ERCC6: variants seen among roughly 807,000 people sequenced by gnomAD.
ERCC6 encodes DNA excision repair protein ERCC-6.
ERCC6 carries 116 observed loss-of-function variants against 158.7 expected under a neutral mutation model. That is an observed-to-expected ratio of 0.73 (90% CI 0.63 to 0.85). The LOEUF is 0.85. Among genes scored for constraint, ERCC6 ranks in the 40% least tolerant of loss-of-function variants. The probability of loss-of-function intolerance (pLI) is 0.00; values close to 1 mark genes in which losing one functional copy is unlikely to be tolerated. For missense variants in ERCC6, 1,698 were observed against 1,799.4 expected (o/e 0.94, Z 1.02); for synonymous variants, 678 against 659.3 (o/e 1.03, Z -0.43).
At chr10:49,535,249 A>G (rs768226710) in intron 1 of ERCC6, among the ~76,000 whole-genome samples, 1 of 152,256 alleles carries the variant, frequency 6.6e-6, no homozygotes, top group Non-Finnish European at 1.5e-5. Context: ...AGCAGCTTAC[A>G]TGTAATCAGT....
At chr10:49,492,811 G>A (rs910022256) in intron 8 of ERCC6, among the ~76,000 whole-genome samples, 2 of 152,182 alleles carry the variant, frequency 1.3e-5, no homozygotes, top group Admixed American at 6.5e-5. Context: ...ACTGGACGCA[G>A]CCACCTGACT....
the ERCC6 span, among the ~76,000 whole-genome samples, chr10:49,441,320 A>G: frequency 0.013 from 1,936 of 152,328 alleles, 38 homozygotes; most frequent in African/African-American, 0.043. Context: ...CCACAACCAT[A>G]TAAGAAGTTA....
At chr10:49,497,589 G>A (rs907342856) in intron 7 of ERCC6, among the ~76,000 whole-genome samples, 3 of 152,142 alleles carry the variant, frequency 2.0e-5, no homozygotes, top group Non-Finnish European at 4.4e-5. Flanking sequence ...TTTTCACGCT[G>A]AGTTGAGATC....
the ERCC6 span, among the ~76,000 whole-genome samples, chr10:49,437,052 G>T: frequency 6.6e-6 from 1 of 152,122 alleles, no homozygotes; most frequent in Non-Finnish European, 1.5e-5. Flanking sequence ...TGAATCATGG[G>T]GGGTGGTTTC....
At chr10:49,466,684 T>C (rs1324759990) in intron 18 of ERCC6, among the ~76,000 whole-genome samples, 1 of 152,252 alleles carries the variant, frequency 6.6e-6, no homozygotes. Context: ...GTGTGTTTTC[T>C]AGAATTTTAT....
At chr10:49,463,245 T>C (rs1475059172) in intron 18 of ERCC6, among the ~76,000 whole-genome samples, 1 of 152,240 alleles carries the variant, frequency 6.6e-6, no homozygotes, top group African/African-American at 2.4e-5. Flanking sequence ...ATAATACGTT[T>C]ATCAATTTTG....
intron 7 of ERCC6, among the ~76,000 whole-genome samples, chr10:49,499,186 A>G (rs1851314969): frequency 6.6e-6 from 1 of 152,198 alleles, no homozygotes; most frequent in East Asian, 1.9e-4. Context: ...CCCCTGCTTC[A>G]ATATAACTTC....
chr10:49,533,448 A>G lies in ERCC6; in HGVS notation c.-14-470T>C, dbSNP rs185654374. ...GAGACTAGAAACTCCTAGGCTGAAT[A>G]CCTATCCAGTAAATAGGAGCTTTGA... On this transcript the variant is annotated intron_variant, in intron 1 of 20. Transcript: ENST00000355832. Among the ~76,000 whole-genome samples, 229 of 152,326 alleles carry G rather than the reference A, an allele frequency of 1.5e-3. 3 individuals carry two copies. The highest frequency in any genetic ancestry group is 0.013 in the Admixed American group (202 of 15,300).
intron 7 of ERCC6, among the ~76,000 whole-genome samples, chr10:49,494,280 C>T (rs1045574432): frequency 5.9e-5 from 9 of 151,888 alleles, no homozygotes; most frequent in African/African-American, 1.9e-4. Context: ...AGGGTTATTA[C>T]GAAGATTAAA....
In ERCC6 at chr10:49,497,112, C is replaced by T. The variant is rs562296066; in HGVS notation, c.1685+3426G>A. ...AGAAGCCAGAGGCTACAAGAGACTCCGACACTCTTCCTACAGAGTTTCTAA... is the reference window on the plus strand; with the variant it reads ...AGAAGCCAGAGGCTACAAGAGACTCTGACACTCTTCCTACAGAGTTTCTAA... On this transcript the variant is annotated intron_variant, in intron 7 of 20. Coordinates refer to ENST00000355832, the MANE Select transcript of ERCC6 (RefSeq NM_000124.4). Among the ~76,000 whole-genome samples, 18 of 152,316 alleles carry T rather than the reference C, an allele frequency of 1.2e-4. No individual in the cohort carries two copies. The East Asian group carries it at 1.9e-3, about 16-fold the overall frequency.
chr10:49,514,050 G>A (rs1045570643), intron 5 of ERCC6, among the ~76,000 whole-genome samples: 8 of 151,950 alleles, frequency 5.3e-5, no homozygotes, highest in South Asian at 2.1e-4. Context: ...CAGTGCCAGC[G>A]AAGGGTCCTC....
chr10:49,441,280 A>G, the ERCC6 span, among the ~76,000 whole-genome samples: 1 of 152,182 alleles, frequency 6.6e-6, no homozygotes, highest in Non-Finnish European at 1.5e-5. Context: ...TTTTACTACT[A>G]TTCTGTAAAA....
the ERCC6 span, among the ~76,000 whole-genome samples, chr10:49,448,834 T>C: frequency 1.3e-5 from 2 of 152,246 alleles, no homozygotes; most frequent in Admixed American, 1.3e-4. Context: ...TGGGGCTGAA[T>C]AATATTCCAT....
At chr10:49,468,010 C>T (rs1282696654) in intron 18 of ERCC6, among the ~76,000 whole-genome samples, 1 of 152,158 alleles carries the variant, frequency 6.6e-6, no homozygotes, top group Non-Finnish European at 1.5e-5. Flanking sequence ...GGCAAGACCC[C>T]CTACTCTGTA....
At chr10:49,460,594 A>G (rs1191503353) in intron 19 of ERCC6, 143 bp from the exon 20 acceptor site, 5 of 692,858 alleles carry the variant, frequency 7.2e-6, no homozygotes, top group Non-Finnish European at 1.0e-5. Context: ...TTTCTGCTCT[A>G]TCCCCCTCGA....
Position 49,538,889 on chromosome 10 carries a change from GC to G in ERCC6, c.-15+72del, listed in dbSNP as rs11302216. On this transcript the variant is annotated intron_variant, in intron 1 of 20. Coordinates refer to ENST00000355832, the MANE Select transcript of ERCC6 (RefSeq NM_000124.4). ...GGCGAGGCCAAGGCGCGGGGCCGCGGCCCGCCCGAGAAGCCTGAGCTGGGCC... is the reference window on the plus strand; with the variant it reads ...GGCGAGGCCAAGGCGCGGGGCCGCGGCCGCCCGAGAAGCCTGAGCTGGGCC... The G allele has an allele frequency of 1, 152,647 of 152,648 alleles. 76,323 individuals are homozygous for G. The highest frequency in any genetic ancestry group is 1 in the Middle Eastern group (296 of 296). 9.5% of individuals were successfully genotyped at this position (152,648 alleles called of 1,614,324 possible).
chr10:49,507,125 C>G (rs905103122), intron 5 of ERCC6, among the ~76,000 whole-genome samples: 1 of 152,102 alleles, frequency 6.6e-6, no homozygotes, highest in Non-Finnish European at 1.5e-5. Context: ...GTCCAGTATC[C>G]ATTACAAAAC....
the ERCC6 span, among the ~76,000 whole-genome samples, chr10:49,438,601 C>T: frequency 5.9e-5 from 9 of 151,996 alleles, no homozygotes; most frequent in African/African-American, 1.9e-4. Context: ...ATCTCATGTC[C>T]TCACATTTGA....
At chr10:49,511,227 G>A (rs1465004742) in intron 5 of ERCC6, among the ~76,000 whole-genome samples, 1 of 152,104 alleles carries the variant, frequency 6.6e-6, no homozygotes, top group Non-Finnish European at 1.5e-5. Context: ...GACCAGGTGG[G>A]AAAGGCTGGA....
Sources: gnomAD v4.1 joint callset for allele counts (sites outside exome capture counted in the v4.1 genomes callset) on GRCh38, gnomAD v4.1.1 for gene constraint, MANE v1.5 for transcripts, NCBI Gene and HGNC (gene_info 2026-07-23, HGNC 2026-07-21) for gene names.